Variants in CDK14 observed in about 807,000 individuals in gnomAD.
The protein encoded by CDK14 is cyclin dependent kinase 14.
CDK14 carries 34 observed loss-of-function variants against 60.7 expected under a neutral mutation model. That is an observed-to-expected ratio of 0.56 (90% CI 0.43 to 0.75). The LOEUF (loss-of-function observed/expected upper bound fraction) is 0.75, where lower values mean the gene tolerates loss of function less well. CDK14 is among the 30% of genes least tolerant of loss of function. The probability of loss-of-function intolerance (pLI) is 0.00; values close to 1 mark genes in which losing one functional copy is unlikely to be tolerated. For synonymous variants in CDK14, 197 were observed against 203.7 expected (o/e 0.97, Z 0.28); for missense variants, 482 against 564.1 (o/e 0.85, Z 1.47).
At chr7:90,917,807 C>T (rs1793126437) in intron 8 of CDK14, 83 bp downstream of exon 8, 10 of 1,338,064 alleles carry the variant, frequency 7.5e-6, no homozygotes, top group Non-Finnish European at 1.0e-5. Context: ...TGTTTAGGTG[C>T]ACTTCTTCTA....
intron 14 of CDK14, among the ~76,000 whole-genome samples, chr7:91,120,908 T>C (rs945462730): frequency 7.2e-5 from 11 of 152,154 alleles, no homozygotes; most frequent in African/African-American, 2.4e-4. Flanking sequence ...TTCAATATAA[T>C]GCTGAGGAAA....
intron 9 of CDK14, among the ~76,000 whole-genome samples, chr7:90,960,531 G>A (rs1253712265): frequency 6.6e-6 from 1 of 151,954 alleles, no homozygotes; most frequent in African/African-American, 2.4e-5. Flanking sequence ...GTAGCAGCTG[G>A]GTGGTTAGAA....
At chr7:90,817,094 T>C (rs1156837409) in intron 5 of CDK14, among the ~76,000 whole-genome samples, 1 of 152,210 alleles carries the variant, frequency 6.6e-6, no homozygotes, top group Admixed American at 6.6e-5. Flanking sequence ...TTATATTTTC[T>C]CCTGACATTT....
intron 10 of CDK14, among the ~76,000 whole-genome samples, chr7:91,011,589 G>A (rs1584229672): frequency 6.6e-6 from 1 of 151,984 alleles, no homozygotes; most frequent in Non-Finnish European, 1.5e-5. Flanking sequence ...TTTTGGGCAA[G>A]TTCATTGACT....
chr7:90,793,732 G>A (rs1584898554), intron 5 of CDK14, among the ~76,000 whole-genome samples: 1 of 152,164 alleles, frequency 6.6e-6, no homozygotes. Flanking sequence ...TAATACAGAG[G>A]GAGGCAAACT....
At chr7:91,109,450 T>C (rs936653334) in intron 12 of CDK14, among the ~76,000 whole-genome samples, 39 of 151,990 alleles carry the variant, frequency 2.6e-4, no homozygotes, top group Non-Finnish European at 1.5e-4. Context: ...AATTACCAAT[T>C]ACATGGAAAT....
At chr7:90,801,487 A>G (rs765712923) in intron 5 of CDK14, among the ~76,000 whole-genome samples, 102 of 152,134 alleles carry the variant, frequency 6.7e-4, no homozygotes, top group Non-Finnish European at 1.1e-3. Flanking sequence ...TATGATTGAG[A>G]CATTGGTAGT....
chr7:91,199,783 T>C (rs1296726767), intron 14 of CDK14, among the ~76,000 whole-genome samples: 1 of 152,224 alleles, frequency 6.6e-6, no homozygotes, highest in Non-Finnish European at 1.5e-5. Context: ...TGCATCCATA[T>C]GGATGTTACC....
At chr7:90,970,408 T>A (rs1244807121) in intron 9 of CDK14, among the ~76,000 whole-genome samples, 1 of 152,252 alleles carries the variant, frequency 6.6e-6, no homozygotes, top group Admixed American at 6.5e-5. Context: ...TGATTTTGTC[T>A]TTATCTTTGC....
chr7:91,022,681 C>A (rs892589373), intron 10 of CDK14, among the ~76,000 whole-genome samples: 8 of 152,196 alleles, frequency 5.3e-5, no homozygotes, highest in Non-Finnish European at 1.2e-4. Context: ...CATGTAAATG[C>A]AGTTATGGGC....
At chr7:90,870,283 C>T (rs1321509904) in intron 6 of CDK14, among the ~76,000 whole-genome samples, 2 of 152,024 alleles carry the variant, frequency 1.3e-5, no homozygotes, top group Admixed American at 1.3e-4. Context: ...TAAGTGGGAG[C>T]TAAATGATGA....
chr7:90,939,979 C>A (rs1793867991), intron 8 of CDK14, among the ~76,000 whole-genome samples: 1 of 152,142 alleles, frequency 6.6e-6, no homozygotes, highest in Non-Finnish European at 1.5e-5. Context: ...ATTTTAGAAC[C>A]AAACCGTAGT....
chr7:91,170,288 T>C (rs998726440), intron 14 of CDK14, among the ~76,000 whole-genome samples: 10 of 152,224 alleles, frequency 6.6e-5, no homozygotes, highest in Non-Finnish European at 1.5e-4. Flanking sequence ...ATACTGGATT[T>C]TGGGGCTCTT....
chr7:90,635,300 TA>T (rs1321650505), intron 2 of CDK14, among the ~76,000 whole-genome samples: 1 of 152,252 alleles, frequency 6.6e-6, no homozygotes, highest in Non-Finnish European at 1.5e-5. Flanking sequence ...CATCTTGAAT[TA>T]ATTTTTGTAT....
At chr7:91,011,814 G>A (rs1031069639) in intron 10 of CDK14, among the ~76,000 whole-genome samples, 1 of 151,982 alleles carries the variant, frequency 6.6e-6, no homozygotes, top group Non-Finnish European at 1.5e-5. Flanking sequence ...TCATACCACT[G>A]CTTAACATGT....
At chr7:90,721,982 G>A (rs947424795) in intron 2 of CDK14, among the ~76,000 whole-genome samples, 1 of 152,068 alleles carries the variant, frequency 6.6e-6, no homozygotes, top group Non-Finnish European at 1.5e-5. Context: ...GGGGAGTAGC[G>A]CCAGTGTATA....
At chr7:91,201,767 T>C (rs1475636646) in intron 14 of CDK14, among the ~76,000 whole-genome samples, 2 of 152,226 alleles carry the variant, frequency 1.3e-5, no homozygotes, top group Non-Finnish European at 2.9e-5. Context: ...TCGTTTTTAA[T>C]TTGGGTCTGT....
intron 2 of CDK14, among the ~76,000 whole-genome samples, chr7:90,654,782 G>T (rs992625133): frequency 1.3e-5 from 2 of 152,012 alleles, no homozygotes; most frequent in African/African-American, 4.8e-5. Flanking sequence ...AATATTTTGC[G>T]TGAATATGGT....
intron 8 of CDK14, among the ~76,000 whole-genome samples, chr7:90,946,586 T>A (rs1794107119): frequency 6.6e-6 from 1 of 152,206 alleles, no homozygotes; most frequent in African/African-American, 2.4e-5. Flanking sequence ...CACTGATTCA[T>A]AAGGGCATTT....
Sources: gnomAD v4.1 joint callset for allele counts (sites outside exome capture counted in the v4.1 genomes callset) on GRCh38, gnomAD v4.1.1 for gene constraint, MANE v1.5 for transcripts, NCBI Gene and HGNC (gene_info 2026-07-23, HGNC 2026-07-21) for gene names.